The following ITPR1 variants were observed in gnomAD, a reference collection of about 807,000 sequenced individuals.
ITPR1 encodes the protein inositol 1,4,5-trisphosphate-gated calcium channel ITPR1.
A neutral mutation model predicts 318.4 loss-of-function variants in ITPR1; 96 were observed. The observed-to-expected ratio is 0.30, with a 90% confidence interval of 0.26 to 0.36. The LOEUF (loss-of-function observed/expected upper bound fraction) is 0.36, where lower values mean the gene tolerates loss of function less well. ITPR1 is among the 10% of genes least tolerant of loss of function. The pLI is 1.00. For synonymous variants in ITPR1, 1,312 were observed against 1,289.9 expected, an observed-to-expected ratio of 1.02 and a Z score of -0.37; for missense variants, 2,440 against 3,460.2, an observed-to-expected ratio of 0.71 and a Z score of 7.40.
At chr3:4,753,966 C>G (rs2125351243) in intron 44 of ITPR1, among the ~76,000 whole-genome samples, 2 of 149,838 alleles carry the variant, frequency 1.3e-5, no homozygotes, top group South Asian at 4.2e-4. Flanking sequence ...TAAGTCACCC[C>G]TATGCGTATG....
intron 44 of ITPR1, among the ~76,000 whole-genome samples, chr3:4,740,950 T>G (rs2043658272): frequency 6.6e-6 from 1 of 152,246 alleles, no homozygotes; most frequent in Admixed American, 6.5e-5. Flanking sequence ...GCTTGATGTT[T>G]TGTAGCAAGT....
intron 60 of ITPR1, 122 bp downstream of exon 60, chr3:4,818,364 C>A: frequency 1.4e-6 from 1 of 734,624 alleles, no homozygotes; most frequent in Non-Finnish European, 2.1e-6. Context: ...TGCCTGAGCC[C>A]TTCTCACGGA....
chr3:4,521,186 A>T (rs1184125962), intron 4 of ITPR1, 92 bp downstream of exon 4: 5 of 770,230 alleles, frequency 6.5e-6, no homozygotes, highest in Non-Finnish European at 1.1e-5. Flanking sequence ...TATAAGCAAA[A>T]TAGGCTTATT....
At chr3:4,597,683 T>C (rs541518256) in intron 4 of ITPR1, among the ~76,000 whole-genome samples, 8 of 152,204 alleles carry the variant, frequency 5.3e-5, no homozygotes, top group Non-Finnish European at 8.8e-5. Context: ...AGCTGTGTTT[T>C]GGAAGTGGTC....
chr3:4,597,679 G>C (rs977411966), intron 4 of ITPR1, among the ~76,000 whole-genome samples: 19 of 152,334 alleles, frequency 1.2e-4, no homozygotes, highest in African/African-American at 4.3e-4. Context: ...AGCAAGCTGT[G>C]TTTTGGAAGT....
chr3:4,682,952 G>T (rs1270720226), intron 26 of ITPR1, among the ~76,000 whole-genome samples: 1 of 152,172 alleles, frequency 6.6e-6, no homozygotes, highest in Non-Finnish European at 1.5e-5. Flanking sequence ...TACTCAGTAT[G>T]CTAAGGCAGG....
chr3:4,729,444 A>G (rs970565779), intron 42 of ITPR1, among the ~76,000 whole-genome samples: 1 of 152,224 alleles, frequency 6.6e-6, no homozygotes, highest in African/African-American at 2.4e-5. Flanking sequence ...CCTCATGCCG[A>G]CTAAGGTGTG....
intron 60 of ITPR1, among the ~76,000 whole-genome samples, chr3:4,835,909 G>A (rs1199413907): frequency 6.6e-6 from 1 of 152,002 alleles, no homozygotes; most frequent in Non-Finnish European, 1.5e-5. Context: ...GAAACTGAAT[G>A]GGCCTTTCTT....
intron 37 of ITPR1, among the ~76,000 whole-genome samples, chr3:4,707,653 A>C (rs2094788458): frequency 6.6e-6 from 1 of 152,212 alleles, no homozygotes; most frequent in South Asian, 2.1e-4. Flanking sequence ...TGTAAGAAGA[A>C]TGTGAAAGAC....
At chr3:4,608,811 G>C (rs1018414686) in intron 4 of ITPR1, among the ~76,000 whole-genome samples, 1 of 151,556 alleles carries the variant, frequency 6.6e-6, no homozygotes, top group Non-Finnish European at 1.5e-5. Context: ...CGACCAGCCT[G>C]GCCAATGTGG....
At chr3:4,645,313 T>G in intron 8 of ITPR1, 74 bp from the exon 9 acceptor site, 1 of 994,298 alleles carries the variant, frequency 1.0e-6, no homozygotes, top group Non-Finnish European at 1.6e-6. Flanking sequence ...TAGGCTGCGG[T>G]GAGAAGTCTG....
At chr3:4,706,120 T>A in intron 36 of ITPR1, 47 bp from the exon 37 acceptor site, 1 of 1,604,700 alleles carries the variant, frequency 6.2e-7, no homozygotes, top group Admixed American at 1.7e-5. Context: ...CTGTAGGGTG[T>A]CCCCCATAAA....
chr3:4,771,670 C>T (rs2046194519), intron 46 of ITPR1, among the ~76,000 whole-genome samples: 1 of 152,020 alleles, frequency 6.6e-6, no homozygotes. Flanking sequence ...AAAACTCGTT[C>T]CTCAGTGCAT....
intron 4 of ITPR1, among the ~76,000 whole-genome samples, chr3:4,536,396 T>G (rs1190992085): frequency 1.3e-5 from 2 of 152,240 alleles, no homozygotes; most frequent in African/African-American, 4.8e-5. Flanking sequence ...TTTGCATGTT[T>G]CTGTAGTGGC....
intron 4 of ITPR1, among the ~76,000 whole-genome samples, chr3:4,580,304 G>T (rs1425475492): frequency 6.6e-6 from 1 of 152,184 alleles, no homozygotes; most frequent in East Asian, 1.9e-4. Flanking sequence ...ATTCAGGAGT[G>T]AGGAGGAAGG....
Position 4,676,651 on chromosome 3 carries a change from G to A in ITPR1, c.2817G>A (p.Glu939=), listed in dbSNP as rs1371606372. The part of the protein sequence containing the change: ...NVMRSIHGVG[E]LMTQVVLRGG... The stretch of plus-strand genomic sequence containing the variant: ...TGAGATCTATTCATGGCGTGGGAGA[G>A]CTGATGACCCAGGTGGTGCTCCGGG... The change falls in exon 24 of 62, where the codon GAG becomes GAA. Residue 939 remains glutamate, a synonymous_variant. Coordinates refer to ENST00000649015, the MANE Select transcript of ITPR1 (RefSeq NM_001378452.1). The A allele has an allele frequency of 2.5e-6, 4 of 1,613,786 alleles. No homozygotes were observed. The South Asian group carries it at 4.4e-5, about 18-fold the overall frequency.
rs1457247304 is a variant in ITPR1 at position 4,795,182 on chromosome 3, G to A, written c.6926G>A (p.Arg2309Gln). The change falls in exon 53 of 62, where the codon CGA (arginine) becomes CAA (glutamine). Residue 2309 changes from arginine to glutamine, a missense_variant. Around this residue, in one of 23 missense-constraint regions of ITPR1, gnomAD observed 126 missense variants for 150.8 expected, o/e 0.84. Coordinates refer to ENST00000649015, the MANE Select transcript of ITPR1 (RefSeq NM_001378452.1). ...TTTTTCTACCCGTTTAAGGGAGTCCGAGGAGGTACCCATATCTTTAACTTC... is the reference window on the plus strand; with the variant it reads ...TTTTTCTACCCGTTTAAGGGAGTCCAAGGAGGTACCCATATCTTTAACTTC... ...VAFFYPFKGV[R>Q]GGTLEPHWSG... 5 of 1,612,866 alleles carry A rather than the reference G, an allele frequency of 3.1e-6. No individual in the cohort carries two copies. The highest frequency in any genetic ancestry group is 1.1e-5 in the South Asian group (1 of 90,762).
chr3:4,612,343 T>C (rs2092179551), intron 4 of ITPR1, among the ~76,000 whole-genome samples: 2 of 152,090 alleles, frequency 1.3e-5, no homozygotes, highest in Admixed American at 1.3e-4. Flanking sequence ...ATTACAGGCG[T>C]GAGCTGCCGC....
At chr3:4,553,867 C>T (rs1483818876) in intron 4 of ITPR1, among the ~76,000 whole-genome samples, 1 of 152,156 alleles carries the variant, frequency 6.6e-6, no homozygotes, top group Non-Finnish European at 1.5e-5. Context: ...TCCCAAAGTG[C>T]TGGGGTTACG....
Sources: gnomAD v4.1 joint callset for allele counts (sites outside exome capture counted in the v4.1 genomes callset) on GRCh38, gnomAD v4.1.1 for gene constraint, gnomAD v4.1.1 regional missense constraint, MANE v1.5 for transcripts, NCBI Gene and HGNC (gene_info 2026-07-23, HGNC 2026-07-21) for gene names.